Variants in NRXN3 observed in about 807,000 individuals in gnomAD.
The protein encoded by NRXN3 is neurexin III.
In NRXN3, 32 loss-of-function variants were observed where a neutral mutation model predicts 137.6. That is an observed-to-expected ratio of 0.23 (90% confidence interval 0.18 to 0.31). NRXN3 has a LOEUF of 0.31. Ranked by LOEUF, NRXN3 falls within the 10% of genes least tolerant of loss-of-function variation. The pLI, the probability that NRXN3 is intolerant of heterozygous loss-of-function variation, is 1.00. For synonymous variants in NRXN3, 798 were observed against 784.5 expected, an observed-to-expected ratio of 1.02 and a Z score of -0.29; for missense variants, 1,574 against 2,062.5, an observed-to-expected ratio of 0.76 and a Z score of 4.59.
At chr14:79,820,866 C>T (rs1458836337) in intron 20 of NRXN3, among the ~76,000 whole-genome samples, 1 of 152,110 alleles carries the variant, frequency 6.6e-6, no homozygotes, top group Non-Finnish European at 1.5e-5. Context: ...CTTAATGTAT[C>T]CCAAACCCCA....
intron 4 of NRXN3, among the ~76,000 whole-genome samples, chr14:78,523,130 C>G (rs1427014868): frequency 6.6e-6 from 1 of 152,196 alleles, no homozygotes; most frequent in African/African-American, 2.4e-5. Flanking sequence ...GATCTAAACT[C>G]TGTATAGATA....
At chr14:79,337,972 G>A (rs974351399) in intron 15 of NRXN3, among the ~76,000 whole-genome samples, 17 of 152,008 alleles carry the variant, frequency 1.1e-4, no homozygotes, top group Admixed American at 2.0e-4. Flanking sequence ...TTTATTTACA[G>A]GACTCCTAAG....
chr14:78,512,927 C>G (rs373974835), intron 4 of NRXN3, among the ~76,000 whole-genome samples: 1 of 152,122 alleles, frequency 6.6e-6, no homozygotes, highest in East Asian at 1.9e-4. Flanking sequence ...CTTTCTGCCC[C>G]GTAGGATCTG....
intron 15 of NRXN3, among the ~76,000 whole-genome samples, chr14:79,232,957 G>A (rs1273704552): frequency 6.6e-6 from 1 of 152,152 alleles, no homozygotes; most frequent in Non-Finnish European, 1.5e-5. Context: ...TACTGTAGCA[G>A]TTGAGACAGA....
chr14:78,446,125 C>G (rs1476562620), intron 4 of NRXN3, among the ~76,000 whole-genome samples: 1 of 152,228 alleles, frequency 6.6e-6, no homozygotes, highest in African/African-American at 2.4e-5. Context: ...TGTCCACAGT[C>G]TTCCCCACTT....
At chr14:78,572,027 G>C (rs2096894537) in intron 4 of NRXN3, among the ~76,000 whole-genome samples, 1 of 152,212 alleles carries the variant, frequency 6.6e-6, no homozygotes, top group Admixed American at 6.5e-5. Flanking sequence ...TTTGGAAAAG[G>C]CTGTGAGTAA....
At position 78,899,724 on chromosome 14, in the gene NRXN3, C is replaced by T. The variant is rs367987347; in HGVS notation, c.2276-57518C>T. ...GCATGTTATATAAATGTATTCTGCT[C>T]AGTACAAACATTTTTGTGAACTTAA... On this transcript the variant is annotated intron_variant, in intron 10 of 20. Transcript: ENST00000335750. Among the ~76,000 whole-genome samples the T allele has an allele frequency of 5.3e-5, 8 of 152,054 alleles. No individual in the cohort carries two copies. The East Asian group carries it at 5.8e-4, about 11-fold the overall frequency.
At chr14:78,768,261 A>C (rs1300206755) in intron 8 of NRXN3, among the ~76,000 whole-genome samples, 1 of 152,078 alleles carries the variant, frequency 6.6e-6, no homozygotes, top group Non-Finnish European at 1.5e-5. Flanking sequence ...TCAGGCCTTC[A>C]TGATTCTATG....
intron 4 of NRXN3, among the ~76,000 whole-genome samples, chr14:78,320,112 G>A (rs2079150640): frequency 6.6e-6 from 1 of 152,180 alleles, no homozygotes; most frequent in African/African-American, 2.4e-5. Context: ...CAGGGATGCT[G>A]TATCAACAGC....
chr14:78,313,172 A>G (rs1259907086), intron 4 of NRXN3, among the ~76,000 whole-genome samples: 1 of 152,172 alleles, frequency 6.6e-6, no homozygotes, highest in Non-Finnish European at 1.5e-5. Flanking sequence ...CAAAAATTAT[A>G]GGAAAAAAAT....
intron 10 of NRXN3, among the ~76,000 whole-genome samples, chr14:78,848,834 T>C (rs1246641273): frequency 6.6e-6 from 1 of 152,008 alleles, no homozygotes; most frequent in East Asian, 1.9e-4. Context: ...ATTGAGTAGC[T>C]GGGAGGAGTT....
chr14:78,417,488 C>A (rs1189325168), intron 4 of NRXN3, among the ~76,000 whole-genome samples: 3 of 152,154 alleles, frequency 2.0e-5, no homozygotes, highest in Non-Finnish European at 4.4e-5. Flanking sequence ...TCTCACATAG[C>A]ATTATTATGA....
At chr14:79,105,425 T>C (rs2052228906) in intron 15 of NRXN3, among the ~76,000 whole-genome samples, 2 of 152,124 alleles carry the variant, frequency 1.3e-5, no homozygotes, top group South Asian at 4.1e-4. Context: ...ACACAAAATA[T>C]CTGGGCTAAA....
At chr14:79,293,501 G>A (rs552038822) in intron 15 of NRXN3, among the ~76,000 whole-genome samples, 23 of 152,346 alleles carry the variant, frequency 1.5e-4, no homozygotes, top group Non-Finnish European at 2.8e-4. Context: ...GCAAGGCGAG[G>A]GCAACGTGCA....
chr14:79,717,679 G>A (rs1207654764), intron 19 of NRXN3, among the ~76,000 whole-genome samples: 1 of 152,182 alleles, frequency 6.6e-6, no homozygotes, highest in Non-Finnish European at 1.5e-5. Context: ...ATTTAGGACA[G>A]TTCATCTCAG....
intron 14 of NRXN3, among the ~76,000 whole-genome samples, chr14:78,981,109 A>G (rs1339075913): frequency 3.9e-5 from 6 of 152,184 alleles, no homozygotes; most frequent in Non-Finnish European, 8.8e-5. Context: ...AAAAATTATG[A>G]TTATTAAGTC....
At chr14:78,894,121 T>C (rs2099167003) in intron 10 of NRXN3, among the ~76,000 whole-genome samples, 1 of 151,910 alleles carries the variant, frequency 6.6e-6, no homozygotes, top group Non-Finnish European at 1.5e-5. Context: ...CTGTAGCAAT[T>C]TCCTAAAATA....
chr14:79,126,935 G>C (rs1455855521), intron 15 of NRXN3, among the ~76,000 whole-genome samples: 1 of 152,188 alleles, frequency 6.6e-6, no homozygotes, highest in South Asian at 2.1e-4. Context: ...GTGATGGTGA[G>C]CATTTTTTCA....
At chr14:78,486,335 G>A (rs1203727281) in intron 4 of NRXN3, among the ~76,000 whole-genome samples, 1 of 152,298 alleles carries the variant, frequency 6.6e-6, no homozygotes, top group Middle Eastern at 3.4e-3. Context: ...TTTAAGGACA[G>A]TGTTAACATG....
Sources: gnomAD v4.1 joint callset for allele counts (sites outside exome capture counted in the v4.1 genomes callset) on GRCh38, gnomAD v4.1.1 for gene constraint, MANE v1.5 for transcripts, NCBI Gene and HGNC (gene_info 2026-07-23, HGNC 2026-07-21) for gene names.